The following SHPK variants were observed in gnomAD, a reference collection of about 807,000 sequenced individuals.
SHPK encodes carbohydrate kinase-like protein.
Under a neutral mutation model 46.3 loss-of-function variants are expected in SHPK, and 51 were observed. The ratio of observed to expected loss-of-function variants is 1.10; its 90% CI spans 0.88 to 1.39. SHPK has a LOEUF of 1.39. Among genes scored for constraint, SHPK ranks in the 40% most tolerant of loss-of-function variants. The probability of loss-of-function intolerance (pLI) is 0.00; values close to 1 mark genes in which losing one functional copy is unlikely to be tolerated. For synonymous variants in SHPK, 290 were observed against 273.9 expected, an observed-to-expected ratio of 1.06 and a Z score of -0.58; for missense variants, 668 against 641.3, an observed-to-expected ratio of 1.04 and a Z score of -0.45.
intron 5 of SHPK, among the ~76,000 whole-genome samples, chr17:3,616,970 C>A (rs188833): frequency 0.36 from 54,241 of 151,770 alleles, 11,805 homozygotes; most frequent in East Asian, 0.67. Context: ...AACTCCTGAC[C>A]TCGTGATCCA....
intron 1 of SHPK, among the ~76,000 whole-genome samples, chr17:3,632,971 C>CTTTTTTTTTTTTTTTTTTTTTTTTTTT (rs34873037): frequency 1.2e-5 from 1 of 81,726 alleles, no homozygotes; most frequent in African/African-American, 4.5e-5. Flanking sequence ...GCAGATATTA[C>CTTTTTTTTTTTTTTTTTTTTTTTTTTT]TTTTTTTTTT....
rs1190061096 is a variant in SHPK at position 3,624,580 on chromosome 17, G to A, written c.311-349C>T. The stretch of plus-strand genomic sequence containing the variant: ...CAACCCTCATCATGACATTATCTAG[G>A]CTTACTGCTACTTGATTACCAGTAA... On this transcript the variant is annotated intron_variant, in intron 2 of 6. Transcript: ENST00000225519. Among the ~76,000 whole-genome samples the A allele has an allele frequency of 2.0e-5, 3 of 151,956 alleles. No individual in the cohort carries two copies. In the East Asian group the frequency reaches 5.8e-4, roughly 29 times the overall value.
At chr17:3,623,311 G>A in intron 4 of SHPK, 28 bp downstream of exon 4, 1 of 1,612,800 alleles carries the variant, frequency 6.2e-7, no homozygotes. Flanking sequence ...GGAGCAGGAG[G>A]AACAGCCTGC....
In SHPK at chr17:3,622,710, T is replaced by TTTC. The variant is rs1232718962; in HGVS notation, c.647+628_647+629insGAA. The TTTC allele has an allele frequency of 4.4e-5, 19 of 435,282 alleles. 4 individuals carry two copies. The highest frequency in any genetic ancestry group is 1.6e-4 in the East Asian group (1 of 6,308). The allele number at this position is 435,282 out of a possible 1,614,324, so 27.0% of individuals were successfully genotyped here. A position where few individuals can be genotyped will look rare whatever the true frequency, so the allele number is the denominator to read the frequency against. On this transcript the variant is annotated intron_variant, in intron 4 of 6. Coordinates refer to ENST00000225519, the MANE Select transcript of SHPK (RefSeq NM_013276.4). Reference sequence around the variant, plus strand: ...TACTATCTCTAGTTCTTTTTTCTTTTTTTTTTTTTTTGAGACAAGAGTCTC... The same window carrying TTTC: ...TACTATCTCTAGTTCTTTTTTCTTTTTTCTTTTTTTTTTTGAGACAAGAGTCTC...
chr17:3,614,450 G>C (rs1033599518), intron 6 of SHPK, among the ~76,000 whole-genome samples: 1 of 151,968 alleles, frequency 6.6e-6, no homozygotes, highest in Non-Finnish European at 1.5e-5. Flanking sequence ...GCGTGAACCT[G>C]GGAGGCGGAG....
At position 3,610,318 on chromosome 17, in the gene SHPK, T is replaced by TA. The variant is rs2150864571; in HGVS notation, c.*241_*242insT. 2.0e-6 allele frequency: 1 copy of TA among 508,172 alleles called. No individual in the cohort carries two copies. Among genetic ancestry groups the TA allele is most frequent in the East Asian group, 3.3e-5 (1 of 30,530 alleles). The allele number at this position is 508,172 out of a possible 1,614,324, so 31.5% of individuals were successfully genotyped here. A position where few individuals can be genotyped will look rare whatever the true frequency, so the allele number is the denominator to read the frequency against. Reference sequence around the variant, plus strand: ...GCTCTCTCTCTCCCACATGGACATTTGTAAATAGCTCCCAGGTGGGTCAAT... The same window carrying TA: ...GCTCTCTCTCTCCCACATGGACATTTAGTAAATAGCTCCCAGGTGGGTCAAT... On this transcript the variant is annotated 3_prime_UTR_variant, in exon 7 of 7. Coordinates refer to ENST00000225519, the MANE Select transcript of SHPK (RefSeq NM_013276.4).
Position 3,609,983 on chromosome 17 carries a change from C to T in SHPK, c.*577G>A, listed in dbSNP as rs370114292. The T allele has an allele frequency of 1.3e-5, 2 of 153,534 alleles. No individual in the cohort carries two copies. Among genetic ancestry groups the T allele is most frequent in the South Asian group, 2.1e-4 (1 of 4,848 alleles). The allele number at this position is 153,534 out of a possible 1,614,324, so 9.5% of individuals were successfully genotyped here. ...TCTTCTGAGCCTGCCTGCTGCATCG[C>T]GCTTGGGTCAATCCCTGGCCCAGCT... is the stretch of plus-strand genomic sequence containing the variant. On this transcript the variant is annotated 3_prime_UTR_variant, in exon 7 of 7. Transcript: ENST00000225519.
At chr17:3,622,168 A>G (rs1286214148) in intron 4 of SHPK, among the ~76,000 whole-genome samples, 1 of 152,202 alleles carries the variant, frequency 6.6e-6, no homozygotes, top group African/African-American at 2.4e-5. Flanking sequence ...TGCATGGGAA[A>G]GTGCTATAGG....
In SHPK at chr17:3,610,226, GCT is replaced by G. The variant is rs547558913; in HGVS notation, c.*332_*333del. 6 of 244,432 alleles carry G rather than the reference GCT, an allele frequency of 2.5e-5. No individual in the cohort carries two copies. Among genetic ancestry groups the G allele is most frequent in the Non-Finnish European group, 3.2e-5 (4 of 124,328 alleles). 15.1% of individuals were successfully genotyped at this position (244,432 alleles called of 1,614,324 possible). On this transcript the variant is annotated 3_prime_UTR_variant, in exon 7 of 7. Transcript: ENST00000225519. ...TGGTGTCTGAAGTACACATTGATCT[GCT>G]CTCTGTCTACAGGTGAACCACAGAT...
chr17:3,615,419 G>A lies in SHPK; in HGVS notation c.942C>T (p.Tyr314=), dbSNP rs1238145290. ...VAYFPYFNRT[Y]LGVAASLNGG... ...CGTTGAGTGACGCGGCCACCCCCAG[G>A]TAGGTCCTGTTGAAGTATGGGAAGT... Residue 314 remains tyrosine, a synonymous_variant, in exon 6 of 7, where the codon TAC becomes TAT. Transcript: ENST00000225519. The A allele has an allele frequency of 6.2e-7, 1 of 1,614,078 alleles. No homozygotes were observed. Among genetic ancestry groups the A allele is most frequent in the Middle Eastern group, 1.6e-4 (1 of 6,084 alleles).
chr17:3,632,322 G>A (rs1265670855), intron 1 of SHPK, among the ~76,000 whole-genome samples: 2 of 152,192 alleles, frequency 1.3e-5, no homozygotes, highest in Admixed American at 6.6e-5. Flanking sequence ...AGCGGCTCAC[G>A]CCTATAATCG....
intron 6 of SHPK, among the ~76,000 whole-genome samples, chr17:3,611,742 T>C (rs994132270): frequency 2.7e-5 from 4 of 150,772 alleles, no homozygotes; most frequent in African/African-American, 9.8e-5. Flanking sequence ...TGCTTTTCAG[T>C]GTCAAGCCAG....
At position 3,609,432 on chromosome 17, in the gene SHPK, G is replaced by A. The variant is rs1446490452; in HGVS notation, c.*1128C>T. ...GAGCCTGGGCTCCTTTGGGAGTCTA[G>A]AAGTAGATGCGGCAATGGTGGCCCC... On this transcript the variant is annotated 3_prime_UTR_variant, in exon 7 of 7. Transcript: ENST00000225519. The A allele has an allele frequency of 6.6e-6, 1 of 151,944 alleles. No homozygotes were observed. The highest frequency in any genetic ancestry group is 1.5e-5 in the Non-Finnish European group (1 of 68,028). 9.4% of individuals were successfully genotyped at this position (151,944 alleles called of 1,614,324 possible). A position where few individuals can be genotyped will look rare whatever the true frequency, so the allele number is the denominator to read the frequency against.
At chr17:3,611,054 G>A (rs376763341) in intron 6 of SHPK, 82 bp from the exon 7 acceptor site, 58 of 1,337,026 alleles carry the variant, frequency 4.3e-5, no homozygotes, top group East Asian at 3.8e-4. Context: ...CCCACAGGGT[G>A]GGAACAGCGC....
In SHPK at chr17:3,621,336, G is replaced by A; in HGVS notation, c.724C>T (p.His242Tyr). The A allele has an allele frequency of 4.3e-6, 7 of 1,614,144 alleles. No individual in the cohort carries two copies. The highest frequency in any genetic ancestry group is 5.9e-6 in the Non-Finnish European group (7 of 1,179,994). Reference sequence around the variant, plus strand: ...CCCTTTGGGATTTCAAACCACATGTGGGAAGTTCTGCCCGCCACACTGCCA... The same window carrying A: ...CCCTTTGGGATTTCAAACCACATGTAGGAAGTTCTGCCCGCCACACTGCCA... ...EPGSVAGRTS[H>Y]MWFEIPKGTQ... The change falls in exon 5 of 7, where the codon CAC (histidine) becomes TAC (tyrosine). Residue 242 changes from histidine (H) to tyrosine (Y), a missense_variant. Physicochemically the swap from His to Tyr is moderately conservative, Grantham distance 83. Coordinates refer to ENST00000225519, the MANE Select transcript of SHPK (RefSeq NM_013276.4).
At chr17:3,618,235 A>T (rs2075379413) in intron 5 of SHPK, among the ~76,000 whole-genome samples, 1 of 151,958 alleles carries the variant, frequency 6.6e-6, no homozygotes, top group Non-Finnish European at 1.5e-5. Context: ...CCTCCCGAGT[A>T]GCTGGGATTA....
chr17:3,623,943 CT>C, intron 3 of SHPK, 104 bp downstream of exon 3: 1 of 1,143,764 alleles, frequency 8.7e-7, no homozygotes, highest in Non-Finnish European at 1.3e-6. Context: ...CCAGGACACA[CT>C]CACTGCGGCA....
At chr17:3,614,009 C>G (rs1012831914) in intron 6 of SHPK, among the ~76,000 whole-genome samples, 1 of 152,202 alleles carries the variant, frequency 6.6e-6, no homozygotes, top group African/African-American at 2.4e-5. Context: ...AGAGTGCCTG[C>G]GTCCTCAGCT....
intron 5 of SHPK, among the ~76,000 whole-genome samples, chr17:3,620,565 CGTTTT>C (rs958104955): frequency 6.6e-6 from 1 of 150,516 alleles, no homozygotes; most frequent in Non-Finnish European, 1.5e-5. Flanking sequence ...TGCGCCCGGC[CGTTTT>C]GTTTTGTTTT....
Sources: allele counts gnomAD v4.1 joint callset (sites outside exome capture counted in the v4.1 genomes callset), GRCh38; gene constraint gnomAD v4.1.1; transcripts MANE v1.5; gene names NCBI Gene and HGNC (gene_info 2026-07-23, HGNC 2026-07-21).